Variants in FBXL20 observed in about 807,000 individuals in gnomAD.
The protein encoded by FBXL20 is F-box/LRR-repeat protein 20.
A neutral mutation model predicts 64.0 loss-of-function variants in FBXL20; 11 were observed. The observed-to-expected ratio is 0.17, with a 90% CI of 0.11 to 0.28. FBXL20 has a LOEUF of 0.28. Ranked by LOEUF, FBXL20 falls within the 10% of genes least tolerant of loss-of-function variation. The pLI is 1.00. For synonymous variants in FBXL20, 184 were observed against 189.0 expected, an observed-to-expected ratio of 0.97 and a Z score of 0.22; for missense variants, 303 against 526.2, an observed-to-expected ratio of 0.58 and a Z score of 4.15.
intron 1 of FBXL20, among the ~76,000 whole-genome samples, chr17:39,369,846 G>T (rs1238065860): frequency 1.3e-5 from 2 of 152,112 alleles, no homozygotes; most frequent in African/African-American, 4.8e-5. Flanking sequence ...ATGTTGCCCA[G>T]ATTAGTCTCA....
intron 2 of FBXL20, among the ~76,000 whole-genome samples, chr17:39,336,698 C>A (rs1035394194): frequency 6.6e-6 from 1 of 151,910 alleles, no homozygotes; most frequent in Non-Finnish European, 1.5e-5. Context: ...GTGGCGCACG[C>A]CTGTAATCCC....
intron 14 of FBXL20, chr17:39,263,890 TCTTCAATCTGGGAATG>T: frequency 1.3e-5 from 3 of 230,170 alleles, no homozygotes; most frequent in Admixed American, 5.3e-5. Context: ...TTTTTTTTTT[TCTTCAATCTGGGAATG>T]TTATTAAGCC....
At chr17:39,388,039 C>A (rs904593790) in intron 1 of FBXL20, among the ~76,000 whole-genome samples, 1 of 152,132 alleles carries the variant, frequency 6.6e-6, no homozygotes, top group Non-Finnish European at 1.5e-5. Flanking sequence ...TAGATCTTGA[C>A]CACAACTTCA....
intron 1 of FBXL20, among the ~76,000 whole-genome samples, chr17:39,358,774 C>T (rs2144609103): frequency 6.6e-6 from 1 of 152,044 alleles, no homozygotes; most frequent in Non-Finnish European, 1.5e-5. Context: ...AGACAACCTA[C>T]ACATTAGGAG....
At position 39,264,023 on chromosome 17, in the gene FBXL20, C is replaced by G. The variant is rs923184677; in HGVS notation, c.1203+152G>C. ...CTCTGGAGCCAGAGGGAAAAACTAT[C>G]TGTCCTTAGGTTTGCACTTTTTTCT... On this transcript the variant is annotated intron_variant, in intron 14 of 14. Coordinates refer to ENST00000264658, the MANE Select transcript of FBXL20 (RefSeq NM_032875.3). 3.3e-5 allele frequency: 26 copies of G among 797,338 alleles called. No individual in the cohort carries two copies. The Admixed American group carries it at 5.6e-4, about 17-fold the overall frequency. The allele number at this position is 797,338 out of a possible 1,614,324, so 49.4% of individuals were successfully genotyped here. A position where few individuals can be genotyped will look rare whatever the true frequency, so the allele number is the denominator to read the frequency against.
chr17:39,400,774 AG>A (rs759145107), intron 1 of FBXL20, among the ~76,000 whole-genome samples: 6 of 152,196 alleles, frequency 3.9e-5, no homozygotes, highest in Non-Finnish European at 5.9e-5. Flanking sequence ...AGGGTTCCCA[AG>A]GAACAATGAG....
At chr17:39,376,396 C>T (rs1201646980) in intron 1 of FBXL20, among the ~76,000 whole-genome samples, 1 of 152,034 alleles carries the variant, frequency 6.6e-6, no homozygotes, top group African/African-American at 2.4e-5. Context: ...AAAAGAGAAG[C>T]CAGGGAAAAA....
intron 1 of FBXL20, among the ~76,000 whole-genome samples, chr17:39,374,335 C>T (rs779753132): frequency 6.6e-5 from 10 of 151,960 alleles, no homozygotes; most frequent in Non-Finnish European, 7.4e-5. Context: ...TTGAAACCAG[C>T]CTGGCCAACA....
At chr17:39,328,234 G>T in intron 2 of FBXL20, among the ~76,000 whole-genome samples, 1 of 111,506 alleles carries the variant, frequency 9.0e-6, no homozygotes, top group Non-Finnish European at 1.7e-5. Flanking sequence ...GGGCAACAGA[G>T]CGAAACTCTG....
intron 1 of FBXL20, among the ~76,000 whole-genome samples, chr17:39,366,265 A>G (rs2144625636): frequency 6.6e-6 from 1 of 152,298 alleles, no homozygotes; most frequent in Middle Eastern, 3.4e-3. Flanking sequence ...TTCTCACCCT[A>G]CATATAGGCT....
chr17:39,350,860 G>A (rs1182558592), intron 1 of FBXL20, among the ~76,000 whole-genome samples: 1 of 152,106 alleles, frequency 6.6e-6, no homozygotes, highest in Non-Finnish European at 1.5e-5. Flanking sequence ...AAGACTGGGG[G>A]TAGGTGGGCA....
intron 5 of FBXL20, among the ~76,000 whole-genome samples, chr17:39,297,667 C>T (rs1488829623): frequency 6.6e-6 from 1 of 152,182 alleles, no homozygotes; most frequent in African/African-American, 2.4e-5. Context: ...CTGCCTTATA[C>T]ACCTCTTCAT....
intron 1 of FBXL20, among the ~76,000 whole-genome samples, chr17:39,354,217 T>C (rs1220356334): frequency 6.6e-6 from 1 of 152,218 alleles, no homozygotes; most frequent in African/African-American, 2.4e-5. Flanking sequence ...TAATGATATA[T>C]AGTGAAGTCT....
At chr17:39,319,303 G>T (rs928000095) in intron 2 of FBXL20, among the ~76,000 whole-genome samples, 4 of 152,024 alleles carry the variant, frequency 2.6e-5, no homozygotes, top group African/African-American at 9.7e-5. Flanking sequence ...AATGTTTAAG[G>T]ATAGTTTTTC....
In FBXL20 at chr17:39,393,315, A is replaced by C. The variant is rs1243372875; in HGVS notation, c.42+8046T>G. ...GAAAAAAAAATAATAAATAATAATA[A>C]TAATTAAATAAATAAATAAACTGAG... On this transcript the variant is annotated intron_variant, in intron 1 of 14. Transcript: ENST00000264658. Among the ~76,000 whole-genome samples, 3 of 151,938 alleles carry C rather than the reference A, an allele frequency of 2.0e-5. No homozygotes were observed. The East Asian group carries it at 5.8e-4, about 29-fold the overall frequency.
chr17:39,396,901 G>C (rs2048189355), intron 1 of FBXL20, among the ~76,000 whole-genome samples: 1 of 150,028 alleles, frequency 6.7e-6, no homozygotes, highest in Admixed American at 6.7e-5. Flanking sequence ...AGTTTGCAGT[G>C]AGCTGACATC....
chr17:39,317,701 G>GTTTTTTTTTTT (rs1238194174), intron 2 of FBXL20, among the ~76,000 whole-genome samples: 4 of 44,282 alleles, frequency 9.0e-5, no homozygotes, highest in African/African-American at 9.1e-5. Context: ...TTTTTTTTTT[G>GTTTTTTTTTTT]TTTTTTTTTT....
At chr17:39,273,606 T>A (rs1019762170) in intron 10 of FBXL20, among the ~76,000 whole-genome samples, 4 of 151,978 alleles carry the variant, frequency 2.6e-5, no homozygotes, top group African/African-American at 7.2e-5. Flanking sequence ...GGTGGGCAGA[T>A]CATGAGGTCA....
chr17:39,263,797 A>C (rs2046768397), intron 14 of FBXL20: 1 of 165,862 alleles, frequency 6.0e-6, no homozygotes. Context: ...ATTACAAATT[A>C]AATTCTTAAA....
Sources: allele counts gnomAD v4.1 joint callset (sites outside exome capture counted in the v4.1 genomes callset), GRCh38; gene constraint gnomAD v4.1.1; transcripts MANE v1.5; gene names NCBI Gene and HGNC (gene_info 2026-07-23, HGNC 2026-07-21).